The following RNASE13 variants were observed in gnomAD, a reference collection of about 807,000 sequenced individuals.
RNASE13 encodes the protein ribonuclease A family member 13 (inactive).
For missense variants in RNASE13, 188 were observed against 192.8 expected (o/e 0.98, Z 0.15); for synonymous variants, 67 against 71.6 (o/e 0.94, Z 0.32).
In RNASE13 at chr14:21,034,219, T is replaced by C. The variant is rs369283355; in HGVS notation, c.70A>G (p.Lys24Glu). The C allele has an allele frequency of 2.5e-6, 4 of 1,614,134 alleles. No homozygotes were observed. Among genetic ancestry groups the C allele is most frequent in the Admixed American group, 1.7e-5 (1 of 60,020 alleles). ...VLGPTLVMDI[K>E]MQIGSRNFYT... Reference sequence around the variant, plus strand: ...AAGTTCCTGCTGCCAATCTGCATCTTGATGTCCATGACCAGAGTTGGCCCC... The same window carrying C: ...AAGTTCCTGCTGCCAATCTGCATCTCGATGTCCATGACCAGAGTTGGCCCC... Residue 24 changes from lysine (K) to glutamate (E), a missense_variant, in exon 2 of 2, where the codon AAG (lysine) becomes GAG (glutamate). Coordinates refer to ENST00000382951, the MANE Select transcript of RNASE13 (RefSeq NM_001012264.4).
Position 21,033,431 on chromosome 14 carries a change from A to C in RNASE13, c.*387T>G, listed in dbSNP as rs2986241. On this transcript the variant is annotated 3_prime_UTR_variant, in exon 2 of 2. Coordinates refer to ENST00000382951, the MANE Select transcript of RNASE13 (RefSeq NM_001012264.4). ...CATGAGAAGGCTGGTGGGGATGGGG[A>C]GGTGAGACTCGGAGCTGGTGCCTGT... 3.4e-6 allele frequency: 1 copy of C among 292,404 alleles called. No homozygotes were observed. Among genetic ancestry groups the C allele is most frequent in the Non-Finnish European group, 6.5e-6 (1 of 152,864 alleles). 18.1% of individuals were successfully genotyped at this position (292,404 alleles called of 1,614,324 possible). A position where few individuals can be genotyped will look rare whatever the true frequency, so the allele number is the denominator to read the frequency against.
Position 21,033,504 on chromosome 14 carries a change from T to C in RNASE13, c.*314A>G. 2.5e-6 allele frequency: 1 copy of C among 399,084 alleles called. No individual in the cohort carries two copies. Among genetic ancestry groups the C allele is most frequent in the East Asian group, 5.2e-5 (1 of 19,096 alleles). 24.7% of individuals were successfully genotyped at this position (399,084 alleles called of 1,614,324 possible). A position where few individuals can be genotyped will look rare whatever the true frequency, so the allele number is the denominator to read the frequency against. ...CTGGGCCTCCATCCAGGACTTAGGA[T>C]CTGGCCCAGTGGGTGGACAGTCACT... On this transcript the variant is annotated 3_prime_UTR_variant, in exon 2 of 2. Coordinates refer to ENST00000382951, the MANE Select transcript of RNASE13 (RefSeq NM_001012264.4).
At position 21,034,637 on chromosome 14, in the gene RNASE13, A is replaced by G; in HGVS notation, c.-9+19T>C. ...CCTGCTAGTAAAAAATGCAGAGAAG[A>G]AAGAAGGAGCAGGCTGACCTGACAA... On this transcript the variant is annotated intron_variant, in intron 1 of 1. Coordinates refer to ENST00000382951, the MANE Select transcript of RNASE13 (RefSeq NM_001012264.4). 3 of 242,728 alleles carry G rather than the reference A, an allele frequency of 1.2e-5. No homozygotes were observed. Among genetic ancestry groups the G allele is most frequent in the Non-Finnish European group, 2.4e-5 (3 of 125,514 alleles). 15.0% of individuals were successfully genotyped at this position (242,728 alleles called of 1,614,324 possible).
Position 21,034,265 on chromosome 14 carries a change from G to A in RNASE13, c.24C>T (p.Leu8=), listed in dbSNP as rs1884465416. ...GCCCCAGAACAAGCTGGAGGAAAAG[G>A]AGCCGGGTCACAGCTGGTGCCATTC... is the stretch of plus-strand genomic sequence containing the variant. MAPAVTR[L]LFLQLVLGPT... The change falls in exon 2 of 2, where the codon CTC becomes CTT. Residue 8 remains leucine, a synonymous_variant. Coordinates refer to ENST00000382951, the MANE Select transcript of RNASE13 (RefSeq NM_001012264.4). The A allele has an allele frequency of 1.2e-6, 2 of 1,613,120 alleles. No homozygotes were observed. The highest frequency in any genetic ancestry group is 2.2e-5 in the East Asian group (1 of 44,874).
chr14:21,034,157 G>C lies in RNASE13; in HGVS notation c.132C>G (p.Tyr44Ter). The change falls in exon 2 of 2, where the codon TAC (tyrosine) becomes TAG (stop). Residue 44 changes from tyrosine to a stop codon, truncating the protein, a stop_gained. Transcript: ENST00000382951. LOFTEE classifies it low-confidence loss of function (END_TRUNC). ...TLSIDYPRVN[Y>*]PKGFRGYCNG... ...TACAATAGCCCCGGAAACCCTTTGG[G>C]TAGTTAACCCTGGGATAGTCAATGC... is the stretch of plus-strand genomic sequence containing the variant. 1 of 1,614,148 alleles carries C rather than the reference G, an allele frequency of 6.2e-7. No homozygotes were observed.
At position 21,033,865 on chromosome 14, in the gene RNASE13, A is replaced by G. The variant is rs547855328; in HGVS notation, c.424T>C (p.Tyr142His). The change falls in exon 2 of 2, where the codon TAT (tyrosine) becomes CAT (histidine). Residue 142 changes from tyrosine (Y) to histidine (H), a missense_variant. By Grantham distance (83) the Tyr-to-His change is moderately conservative. Transcript: ENST00000382951. ...QKLYLLCSRKYEADPIGIAGL... is the reference protein window; with the variant it reads ...QKLYLLCSRKHEADPIGIAGL... ...GCGATACCTATTGGATCAGCTTCATACTTGCGGGAGCAGAGTAGGTAGAGC... is the reference window on the plus strand; with the variant it reads ...GCGATACCTATTGGATCAGCTTCATGCTTGCGGGAGCAGAGTAGGTAGAGC... 5.6e-6 allele frequency: 9 copies of G among 1,614,088 alleles called. No individual in the cohort carries two copies. In the South Asian group the frequency reaches 6.6e-5, roughly 12 times the overall value.
Position 21,034,316 on chromosome 14 carries a change from T to TG in RNASE13, c.-8-21dup, listed in dbSNP as rs1884469870. ...CTCCTGCTGGTAGAGTTAAGGTGGTTGGGGGCAGCAGTGGGCCTGAAGTGG... is the reference window on the plus strand; with the variant it reads ...CTCCTGCTGGTAGAGTTAAGGTGGTTGGGGGGCAGCAGTGGGCCTGAAGTGG... On this transcript the variant is annotated intron_variant, in intron 1 of 1. Transcript: ENST00000382951. 2 of 1,569,008 alleles carry TG rather than the reference T, an allele frequency of 1.3e-6. No individual in the cohort carries two copies. Among genetic ancestry groups the TG allele is most frequent in the African/African-American group, 2.7e-5 (2 of 73,724 alleles).
chr14:21,033,421 G>C lies in RNASE13; in HGVS notation c.*397C>G, dbSNP rs533917223. On this transcript the variant is annotated 3_prime_UTR_variant, in exon 2 of 2. Coordinates refer to ENST00000382951, the MANE Select transcript of RNASE13 (RefSeq NM_001012264.4). ...GGGAGGCTGACATGAGAAGGCTGGTGGGGATGGGGAGGTGAGACTCGGAGC... is the reference window on the plus strand; with the variant it reads ...GGGAGGCTGACATGAGAAGGCTGGTCGGGATGGGGAGGTGAGACTCGGAGC... The C allele has an allele frequency of 1.7e-5, 5 of 288,306 alleles. No homozygotes were observed. The South Asian group carries it at 1.9e-4, about 11-fold the overall frequency. 17.9% of individuals were successfully genotyped at this position (288,306 alleles called of 1,614,324 possible). A position where few individuals can be genotyped will look rare whatever the true frequency, so the allele number is the denominator to read the frequency against.
At chr14:21,034,354 T>C (rs1594485335) in intron 1 of RNASE13, 58 bp from the exon 2 acceptor site, 6 of 1,143,398 alleles carry the variant, frequency 5.2e-6, no homozygotes, top group Non-Finnish European at 3.8e-6. Flanking sequence ...GTCTGCCACA[T>C]CCCAGAGCCT....
chr14:21,033,688 C>A lies in RNASE13; in HGVS notation c.*130G>T. ...ATCAAAGCCCTGGACATTTTCGCACCCACCTGGTCTCTTGGGAGGGGACCC... is the reference window on the plus strand; with the variant it reads ...ATCAAAGCCCTGGACATTTTCGCACACACCTGGTCTCTTGGGAGGGGACCC... On this transcript the variant is annotated 3_prime_UTR_variant, in exon 2 of 2. Transcript: ENST00000382951. The A allele has an allele frequency of 2.8e-6, 2 of 703,908 alleles. No homozygotes were observed. Among genetic ancestry groups the A allele is most frequent in the African/African-American group, 1.8e-5 (1 of 56,916 alleles). The allele number at this position is 703,908 out of a possible 1,614,324, so 43.6% of individuals were successfully genotyped here. A position where few individuals can be genotyped will look rare whatever the true frequency, so the allele number is the denominator to read the frequency against.
rs143881017 is a variant in RNASE13 at position 21,033,870 on chromosome 14, C to A, written c.419G>T (p.Arg140Leu). Reference sequence around the variant, plus strand: ...ACCTATTGGATCAGCTTCATACTTGCGGGAGCAGAGTAGGTAGAGCTTCTG... The same window carrying A: ...ACCTATTGGATCAGCTTCATACTTGAGGGAGCAGAGTAGGTAGAGCTTCTG... ...TNQKLYLLCS[R>L]KYEADPIGIA... is the part of the protein sequence containing the mutation. The change falls in exon 2 of 2, where the codon CGC becomes CTC. Residue 140 changes from arginine to leucine, a missense_variant. Arg to Leu is a moderately radical substitution (Grantham distance 102). Transcript: ENST00000382951. 5.0e-6 allele frequency: 8 copies of A among 1,613,988 alleles called. No individual in the cohort carries two copies. Among genetic ancestry groups the A allele is most frequent in the South Asian group, 1.1e-5 (1 of 91,084 alleles).
At position 21,034,042 on chromosome 14, in the gene RNASE13, G is replaced by C; in HGVS notation, c.247C>G (p.Gln83Glu). The change falls in exon 2 of 2, where the codon CAG becomes GAG. Residue 83 changes from glutamine to glutamate, a missense_variant. Transcript: ENST00000382951. Reference protein sequence around the residue: ...YVIHAPWKAIQKFCKYSDSFC... With the variant: ...YVIHAPWKAIEKFCKYSDSFC... The stretch of plus-strand genomic sequence containing the variant: ...CTGTCACTATACTTGCAGAACTTCT[G>C]GATGGCCTTCCAAGGGGCATGTATC... The C allele has an allele frequency of 6.2e-7, 1 of 1,614,130 alleles. No individual in the cohort carries two copies. Among genetic ancestry groups the C allele is most frequent in the Non-Finnish European group, 8.5e-7 (1 of 1,180,010 alleles).
At position 21,033,167 on chromosome 14, in the gene RNASE13, C is replaced by T. The variant is rs528098801; in HGVS notation, c.*651G>A. The T allele has an allele frequency of 1.3e-4, 50 of 371,426 alleles. No individual in the cohort carries two copies. The highest frequency in any genetic ancestry group is 2.4e-4 in the Non-Finnish European group (45 of 190,884). 23.0% of individuals were successfully genotyped at this position (371,426 alleles called of 1,614,324 possible). A position where few individuals can be genotyped will look rare whatever the true frequency, so the allele number is the denominator to read the frequency against. Reference sequence around the variant, plus strand: ...TGGAAAAAGGAAGGCAGGGTGACTACGGTTGTTGGGAGTGTGGGGGAGACA... The same window carrying T: ...TGGAAAAAGGAAGGCAGGGTGACTATGGTTGTTGGGAGTGTGGGGGAGACA... On this transcript the variant is annotated 3_prime_UTR_variant, in exon 2 of 2. Coordinates refer to ENST00000382951, the MANE Select transcript of RNASE13 (RefSeq NM_001012264.4).
chr14:21,033,027 G>T lies in RNASE13; in HGVS notation c.*791C>A, dbSNP rs1053112385. 2 of 454,076 alleles carry T rather than the reference G, an allele frequency of 4.4e-6. No homozygotes were observed. Among genetic ancestry groups the T allele is most frequent in the Non-Finnish European group, 8.8e-6 (2 of 226,326 alleles). The allele number at this position is 454,076 out of a possible 1,614,324, so 28.1% of individuals were successfully genotyped here. On this transcript the variant is annotated 3_prime_UTR_variant, in exon 2 of 2. Transcript: ENST00000382951. ...CAGGGGCAGACTCTGGAGTCTGGGG[G>T]ATTTGGGAGGAGCTTCTGGAAGAGA...
Position 21,034,123 on chromosome 14 carries a change from T to C in RNASE13, c.166A>G (p.Met56Val), listed in dbSNP as rs776987978. ...KGFRGYCNGL[M>V]SYMRGKMQNS... ...TGCATCTTGCCTCGCATATAGGACA[T>C]CAGACCATTACAATAGCCCCGGAAA... Residue 56 changes from methionine (M) to valine (V), a missense_variant, in exon 2 of 2, where the codon ATG (methionine) becomes GTG (valine). Physicochemically the swap from Met to Val is conservative, Grantham distance 21. Transcript: ENST00000382951. 1.2e-6 allele frequency: 2 copies of C among 1,614,210 alleles called. No individual in the cohort carries two copies. The highest frequency in any genetic ancestry group is 1.7e-6 in the Non-Finnish European group (2 of 1,180,036).
rs146892669 is a variant in RNASE13 at position 21,034,143 on chromosome 14, C to T, written c.146G>A (p.Arg49Gln). 39 of 1,614,150 alleles carry T rather than the reference C, an allele frequency of 2.4e-5. No individual in the cohort carries two copies. The East Asian group carries it at 3.1e-4, about 13-fold the overall frequency. ...GGACATCAGACCATTACAATAGCCCCGGAAACCCTTTGGGTAGTTAACCCT... is the reference window on the plus strand; with the variant it reads ...GGACATCAGACCATTACAATAGCCCTGGAAACCCTTTGGGTAGTTAACCCT... ...YPRVNYPKGFRGYCNGLMSYM... is the reference protein window; with the variant it reads ...YPRVNYPKGFQGYCNGLMSYM... The change falls in exon 2 of 2, where the codon CGG becomes CAG. Residue 49 changes from arginine to glutamine, a missense_variant. Coordinates refer to ENST00000382951, the MANE Select transcript of RNASE13 (RefSeq NM_001012264.4).
In RNASE13 at chr14:21,033,570, T is replaced by A; in HGVS notation, c.*248A>T. On this transcript the variant is annotated 3_prime_UTR_variant, in exon 2 of 2. Coordinates refer to ENST00000382951, the MANE Select transcript of RNASE13 (RefSeq NM_001012264.4). ...TCAACTTCTTGGGTGGGTTTTACTG[T>A]CTCTGGGAGAGGAAGGATGATGAGG... 1.8e-6 allele frequency: 1 copy of A among 552,530 alleles called. No homozygotes were observed. The highest frequency in any genetic ancestry group is 3.1e-5 in the East Asian group (1 of 32,428). The allele number at this position is 552,530 out of a possible 1,614,324, so 34.2% of individuals were successfully genotyped here.
chr14:21,033,610 AG>A lies in RNASE13; in HGVS notation c.*207del. ...GGATGATGAGGAGGTGGGGGCGAAG[AG>A]GGGGTAAACAAGCTGGAAAGAACCT... On this transcript the variant is annotated 3_prime_UTR_variant, in exon 2 of 2. Transcript: ENST00000382951. 1 of 594,478 alleles carries A rather than the reference AG, an allele frequency of 1.7e-6. No individual in the cohort carries two copies. Among genetic ancestry groups the A allele is most frequent in the Non-Finnish European group, 3.0e-6 (1 of 332,130 alleles). 36.8% of individuals were successfully genotyped at this position (594,478 alleles called of 1,614,324 possible). A position where few individuals can be genotyped will look rare whatever the true frequency, so the allele number is the denominator to read the frequency against.
rs773783067 is a variant in RNASE13 at position 21,034,137 on chromosome 14, T to C, written c.152A>G (p.Tyr51Cys). ...RVNYPKGFRGYCNGLMSYMRG... is the reference protein window; with the variant it reads ...RVNYPKGFRGCCNGLMSYMRG... ...CATATAGGACATCAGACCATTACAATAGCCCCGGAAACCCTTTGGGTAGTT... is the reference window on the plus strand; with the variant it reads ...CATATAGGACATCAGACCATTACAACAGCCCCGGAAACCCTTTGGGTAGTT... Residue 51 changes from tyrosine (Y) to cysteine (C), a missense_variant, in exon 2 of 2, where the codon TAT becomes TGT. Transcript: ENST00000382951. 8 of 1,614,196 alleles carry C rather than the reference T, an allele frequency of 5.0e-6. No homozygotes were observed. The South Asian group carries it at 6.6e-5, about 13-fold the overall frequency.
Sources: gnomAD v4.1 joint callset for allele counts on GRCh38, gnomAD v4.1.1 for gene constraint, MANE v1.5 for transcripts, NCBI Gene and HGNC (gene_info 2026-07-23, HGNC 2026-07-21) for gene names.